MMP16: variants seen among roughly 807,000 people sequenced by gnomAD.
The protein encoded by MMP16 is matrix metalloproteinase-16.
A neutral mutation model predicts 67.8 loss-of-function variants in MMP16; 12 were observed. The observed-to-expected ratio is 0.18, with a 90% CI of 0.11 to 0.29. MMP16 has a LOEUF of 0.29. MMP16 is among the 10% of genes least tolerant of loss of function. The pLI is 1.00. For missense variants in MMP16, 475 were observed against 765.7 expected, an observed-to-expected ratio of 0.62 and a Z score of 4.48; for synonymous variants, 249 against 255.9, an observed-to-expected ratio of 0.97 and a Z score of 0.26.
chr8:88,323,843 C>A (rs966917605), intron 1 of MMP16, among the ~76,000 whole-genome samples: 3 of 151,196 alleles, frequency 2.0e-5, no homozygotes, highest in African/African-American at 7.3e-5. Context: ...ATTTTAGGAA[C>A]AAAATGATTT....
chr8:88,138,715 G>A (rs1442565477), intron 4 of MMP16, among the ~76,000 whole-genome samples: 1 of 152,068 alleles, frequency 6.6e-6, no homozygotes, highest in Admixed American at 6.6e-5. Flanking sequence ...GATCACCTAA[G>A]TATGTAAGCT....
intron 1 of MMP16, among the ~76,000 whole-genome samples, chr8:88,293,516 T>C (rs1393544648): frequency 6.6e-6 from 1 of 152,116 alleles, no homozygotes; most frequent in East Asian, 1.9e-4. Context: ...AGAATAAACA[T>C]ATTCTCAAAA....
chr8:88,299,930 C>G (rs1327297002), intron 1 of MMP16, among the ~76,000 whole-genome samples: 3 of 152,106 alleles, frequency 2.0e-5, no homozygotes, highest in Non-Finnish European at 2.9e-5. Flanking sequence ...TTAACATTTA[C>G]TTTTTGTGTG....
chr8:88,189,214 T>C (rs1017097726), intron 2 of MMP16, among the ~76,000 whole-genome samples: 1 of 152,166 alleles, frequency 6.6e-6, no homozygotes. Flanking sequence ...ACTGAGCTCA[T>C]AGCACACAGG....
chr8:88,186,305 G>A, intron 3 of MMP16, 171 bp downstream of exon 3: 2 of 713,748 alleles, frequency 2.8e-6, no homozygotes, highest in Non-Finnish European at 4.4e-6. Flanking sequence ...TACATAGGGT[G>A]TCTAATGAAC....
chr8:88,173,925 T>C (rs1437851636), intron 3 of MMP16, among the ~76,000 whole-genome samples: 3 of 152,200 alleles, frequency 2.0e-5, no homozygotes, highest in Non-Finnish European at 2.9e-5. Context: ...GGTTCTGCTT[T>C]TTCAGTCTGT....
At chr8:88,280,513 A>C (rs777790725) in intron 1 of MMP16, among the ~76,000 whole-genome samples, 4 of 152,272 alleles carry the variant, frequency 2.6e-5, no homozygotes, top group Non-Finnish European at 4.4e-5. Flanking sequence ...ATGTGAGTTT[A>C]GTGAACATTA....
intron 6 of MMP16, among the ~76,000 whole-genome samples, chr8:88,088,439 T>C (rs1049564968): frequency 1.3e-5 from 2 of 151,920 alleles, no homozygotes; most frequent in African/African-American, 4.8e-5. Context: ...ACAAATTAAG[T>C]GTTTGACTTA....
At chr8:88,274,776 T>G (rs1554590715) in intron 1 of MMP16, among the ~76,000 whole-genome samples, 1 of 152,020 alleles carries the variant, frequency 6.6e-6, no homozygotes, top group Non-Finnish European at 1.5e-5. Context: ...AAGGTGATTT[T>G]ATAAAATAAT....
chr8:88,041,012 CAAAAAAAG>C lies in MMP16; in HGVS notation c.*441_*448del, dbSNP rs28988882. ...ACTCTTTTTTCCCTTTGTTTTAAAGCAAAAAAAGAAAAAAAGAAAAAAAGAAAAAAAGA... is the reference window on the plus strand; with the variant it reads ...ACTCTTTTTTCCCTTTGTTTTAAAGCAAAAAAAGAAAAAAAGAAAAAAAGA... On this transcript the variant is annotated 3_prime_UTR_variant, in exon 10 of 10. Transcript: ENST00000286614. This position sits in a 1 kb window ranked among gnomAD's most constrained non-coding sequence, Gnocchi z 6.0. 0.22 allele frequency: 32,397 copies of C among 147,110 alleles called. 3,937 individuals carry two copies. Among genetic ancestry groups the C allele is most frequent in the Non-Finnish European group, 0.29 (19,453 of 66,892 alleles). The allele number at this position is 147,110 out of a possible 1,614,324, so 9.1% of individuals were successfully genotyped here.
At chr8:88,242,681 C>T (rs983312664) in intron 1 of MMP16, among the ~76,000 whole-genome samples, 1 of 152,080 alleles carries the variant, frequency 6.6e-6, no homozygotes, top group African/African-American at 2.4e-5. Flanking sequence ...GGTTTGAGTA[C>T]ATTTTAAAGT....
intron 1 of MMP16, among the ~76,000 whole-genome samples, chr8:88,213,155 G>T (rs1442984315): frequency 6.6e-6 from 1 of 152,066 alleles, no homozygotes; most frequent in Non-Finnish European, 1.5e-5. Context: ...AAACAAACAT[G>T]AGTTCTGTAA....
intron 1 of MMP16, among the ~76,000 whole-genome samples, chr8:88,263,992 G>A (rs1810432201): frequency 6.9e-6 from 1 of 144,622 alleles, no homozygotes; most frequent in Admixed American, 6.8e-5. Flanking sequence ...GAGAGAGTGT[G>A]TGTGTGTGTG....
At chr8:88,279,402 A>G (rs903070531) in intron 1 of MMP16, among the ~76,000 whole-genome samples, 3 of 152,172 alleles carry the variant, frequency 2.0e-5, no homozygotes, top group Non-Finnish European at 4.4e-5. Flanking sequence ...TTACCTACAT[A>G]GCTTGCATTC....
chr8:88,181,843 A>G (rs577742092), intron 3 of MMP16, among the ~76,000 whole-genome samples: 2 of 152,166 alleles, frequency 1.3e-5, no homozygotes, highest in African/African-American at 4.8e-5. Flanking sequence ...GGAACAAAGG[A>G]AAGTGCCCAA....
intron 6 of MMP16, among the ~76,000 whole-genome samples, chr8:88,105,849 TG>T (rs951561569): frequency 4.1e-4 from 62 of 151,134 alleles, no homozygotes; most frequent in Non-Finnish European, 8.4e-4. Flanking sequence ...CTTGATTAAA[TG>T]TTCAGTGAAA....
chr8:88,052,524 A>G (rs1262122462), intron 8 of MMP16, among the ~76,000 whole-genome samples: 1 of 152,172 alleles, frequency 6.6e-6, no homozygotes, highest in Non-Finnish European at 1.5e-5. Context: ...CATAGAAGCC[A>G]GCACAATCTG....
intron 1 of MMP16, among the ~76,000 whole-genome samples, chr8:88,207,518 C>G (rs534268775): frequency 6.6e-6 from 1 of 152,076 alleles, no homozygotes; most frequent in East Asian, 1.9e-4. Context: ...ACCATGGAAC[C>G]CATACAAAGT....
intron 6 of MMP16, among the ~76,000 whole-genome samples, chr8:88,085,155 T>C (rs1396859001): frequency 1.3e-5 from 2 of 152,042 alleles, no homozygotes; most frequent in Admixed American, 1.3e-4. Flanking sequence ...GGTACTGTAG[T>C]GTTTAAAAAG....
Sources: allele counts gnomAD v4.1 joint callset (sites outside exome capture counted in the v4.1 genomes callset), GRCh38; gene constraint gnomAD v4.1.1; non-coding constraint Gnocchi (gnomAD v3.1); transcripts MANE v1.5; gene names NCBI Gene and HGNC (gene_info 2026-07-23, HGNC 2026-07-21).